The following FAM13B variants were observed in gnomAD, a reference collection of about 807,000 sequenced individuals.
FAM13B encodes the protein protein FAM13B.
A neutral mutation model predicts 117.3 loss-of-function variants in FAM13B; 60 were observed. The observed-to-expected ratio is 0.51, with a 90% confidence interval of 0.42 to 0.63. The LOEUF is 0.63. Among genes scored for constraint, FAM13B ranks in the 30% least tolerant of loss-of-function variants. The pLI is 0.00. For synonymous variants in FAM13B, 332 were observed against 356.1 expected (o/e 0.93, Z 0.76); for missense variants, 972 against 1,091.9 (o/e 0.89, Z 1.55).
Position 137,980,189 on chromosome 5 carries a change from AAG to A in FAM13B, c.1179+5066_1179+5067del, listed in dbSNP as rs1775289650. Among the ~76,000 whole-genome samples the A allele has an allele frequency of 2.6e-5, 4 of 151,024 alleles. No homozygotes were observed. The South Asian group carries it at 8.4e-4, about 32-fold the overall frequency. ...ACTCCGTCTCAAGAAAAAAAAAAAA[AAG>A]AAAGAAAACTTAAATCAGGTATTTT... On this transcript the variant is annotated intron_variant, in intron 10 of 23. Transcript: ENST00000689681.
chr5:137,953,527 T>C, intron 15 of FAM13B, 62 bp from the exon 16 acceptor site: 1 of 1,529,654 alleles, frequency 6.5e-7, no homozygotes, highest in South Asian at 1.2e-5. Context: ...TATCTCTTAT[T>C]GCCCTGACAT....
rs1378126055 is a variant in FAM13B, at chr5:138,048,631, T to C, written c.-203+3247A>G. ...CCTCTCCCCTTGGTAAGGCACCTTT[T>C]TGCAGTGGCCAAATTGTACCAGCAT... On this transcript the variant is annotated intron_variant, in intron 1 of 3. Transcript: ENST00000502471. Among the ~76,000 whole-genome samples, 4 of 152,284 alleles carry C rather than the reference T, an allele frequency of 2.6e-5. No individual in the cohort carries two copies. The East Asian group carries it at 7.7e-4, about 29-fold the overall frequency.
chr5:138,048,898 T>G (rs2013398561), intron 1 of FAM13B, among the ~76,000 whole-genome samples: 1 of 150,750 alleles, frequency 6.6e-6, no homozygotes. Context: ...GACTACAATC[T>G]AAAAATCAGA....
At chr5:137,941,818 T>C (rs1024520518) in intron 23 of FAM13B, 126 bp downstream of exon 23, 1 of 747,596 alleles carries the variant, frequency 1.3e-6, no homozygotes, top group Non-Finnish European at 2.2e-6. Flanking sequence ...AGGAATGTTT[T>C]AAAATTTTTC....
rs1782698277 is a variant in FAM13B, at chr5:138,006,910, T to C, written c.848+80A>G. ...CCAAACTTTCACATATAGTTACAGTTTGTGTTTCTGAATGCTGGAGTGAGT... is the reference window on the plus strand; with the variant it reads ...CCAAACTTTCACATATAGTTACAGTCTGTGTTTCTGAATGCTGGAGTGAGT... On this transcript the variant is annotated intron_variant, in intron 7 of 23. Transcript: ENST00000689681. 9.8e-6 allele frequency: 13 copies of C among 1,332,170 alleles called. No individual in the cohort carries two copies. In the South Asian group the frequency reaches 1.9e-4, roughly 20 times the overall value. 82.5% of individuals were successfully genotyped at this position (1,332,170 alleles called of 1,614,324 possible). A position where few individuals can be genotyped will look rare whatever the true frequency, so the allele number is the denominator to read the frequency against.
intron 1 of FAM13B, among the ~76,000 whole-genome samples, chr5:138,026,313 C>A (rs1263977892): frequency 6.6e-6 from 1 of 152,056 alleles, no homozygotes; most frequent in African/African-American, 2.4e-5. Context: ...ATAAACCATA[C>A]TTCAACAAAG....
Position 137,940,204 on chromosome 5 carries a change from T to A in FAM13B, c.*21A>T. On this transcript the variant is annotated 3_prime_UTR_variant, in exon 24 of 24. Transcript: ENST00000689681. Reference sequence around the variant, plus strand: ...AAGGAATACAACTGACTTTATGATATGAATTTTCAAGGAACGTATCTTATA... The same window carrying A: ...AAGGAATACAACTGACTTTATGATAAGAATTTTCAAGGAACGTATCTTATA... 1.1e-5 allele frequency: 17 copies of A among 1,613,932 alleles called. No individual in the cohort carries two copies. Among genetic ancestry groups the A allele is most frequent in the Non-Finnish European group, 1.4e-5 (16 of 1,179,870 alleles).
chr5:137,948,375 G>A (rs1274769211), intron 18 of FAM13B, among the ~76,000 whole-genome samples: 5 of 152,100 alleles, frequency 3.3e-5, no homozygotes, highest in African/African-American at 4.8e-5. Context: ...CAGGATTCAA[G>A]CTAAGGTCTG....
intron 1 of FAM13B, among the ~76,000 whole-genome samples, chr5:138,021,445 G>C (rs1322886706): frequency 1.3e-5 from 2 of 152,124 alleles, no homozygotes; most frequent in African/African-American, 4.8e-5. Context: ...ATATGTGACA[G>C]GACACATCTT....
At chr5:137,979,420 CCTT>C in intron 10 of FAM13B, among the ~76,000 whole-genome samples, 1 of 152,248 alleles carries the variant, frequency 6.6e-6, no homozygotes, top group Non-Finnish European at 1.5e-5. Context: ...CTACAAAAAA[CCTT>C]CTTCCTAAAA....
At chr5:138,034,881 C>T (rs909958090), upstream of FAM13B, among the ~76,000 whole-genome samples, 4 of 151,982 alleles carry the variant, frequency 2.6e-5, no homozygotes, top group South Asian at 2.1e-4. Context: ...AAACCTCCTC[C>T]GCCTGCCCCA....
chr5:138,047,070 A>G (rs1428522971), intron 1 of FAM13B, among the ~76,000 whole-genome samples: 1 of 152,044 alleles, frequency 6.6e-6, no homozygotes, highest in Admixed American at 6.6e-5. Context: ...TCAGAAAGCA[A>G]CTCAAGCTTG....
chr5:137,960,533 G>A (rs1767859437), intron 11 of FAM13B, among the ~76,000 whole-genome samples: 1 of 152,044 alleles, frequency 6.6e-6, no homozygotes, highest in South Asian at 2.1e-4. Context: ...CCAAAAGAAT[G>A]AATGTATAAT....
Position 138,011,963 on chromosome 5 carries a change from C to T in FAM13B, c.371-18G>A, listed in dbSNP as rs886215584. On this transcript the variant is annotated intron_variant, in intron 4 of 23. Coordinates refer to ENST00000689681, the MANE Select transcript of FAM13B (RefSeq NM_001385994.1). ...ATTATAATCTATAAAACAATAATAACAGGTTTTTTTCAATAAAGGAAAAAG... is the reference window on the plus strand; with the variant it reads ...ATTATAATCTATAAAACAATAATAATAGGTTTTTTTCAATAAAGGAAAAAG... 2 of 1,533,622 alleles carry T rather than the reference C, an allele frequency of 1.3e-6. No individual in the cohort carries two copies. The highest frequency in any genetic ancestry group is 4.4e-5 in the Admixed American group (2 of 45,490).
chr5:138,008,889 T>C (rs922975577), intron 6 of FAM13B, among the ~76,000 whole-genome samples: 3 of 152,228 alleles, frequency 2.0e-5, no homozygotes, highest in African/African-American at 7.2e-5. Context: ...ATGCCTTTAA[T>C]CCCAGAACTT....
At chr5:137,960,277 T>G in intron 11 of FAM13B, 63 bp from the exon 12 acceptor site, 1 of 966,092 alleles carries the variant, frequency 1.0e-6, no homozygotes, top group Non-Finnish European at 1.6e-6. Flanking sequence ...ATTATATATT[T>G]CTTACCTAGA....
chr5:137,960,958 C>T (rs1767954416), intron 11 of FAM13B, among the ~76,000 whole-genome samples: 1 of 152,182 alleles, frequency 6.6e-6, no homozygotes, highest in Non-Finnish European at 1.5e-5. Context: ...TTTACAATGA[C>T]ACATCGAGAT....
rs1760786000 is a variant in FAM13B, at chr5:137,938,540, A to G, written c.*1685T>C. On this transcript the variant is annotated 3_prime_UTR_variant, in exon 24 of 24. Coordinates refer to ENST00000689681, the MANE Select transcript of FAM13B (RefSeq NM_001385994.1). ...TTTTCAATTTCACTTTTCTAGGTAT[A>G]CATTATGAATAACCTAGTTGTATCA... 1 of 152,626 alleles carries G rather than the reference A, an allele frequency of 6.6e-6. No homozygotes were observed. Among genetic ancestry groups the G allele is most frequent in the African/African-American group, 2.4e-5 (1 of 41,452 alleles). 9.5% of individuals were successfully genotyped at this position (152,626 alleles called of 1,614,324 possible).
At chr5:137,946,394 C>A in intron 18 of FAM13B, 83 bp from the exon 19 acceptor site, 1 of 828,624 alleles carries the variant, frequency 1.2e-6, no homozygotes, top group South Asian at 1.7e-5. Flanking sequence ...TTAATATTCT[C>A]CTCACTCCCA....
Sources: gnomAD v4.1 joint callset for allele counts (sites outside exome capture counted in the v4.1 genomes callset) on GRCh38, gnomAD v4.1.1 for gene constraint, MANE v1.5 for transcripts, NCBI Gene and HGNC (gene_info 2026-07-23, HGNC 2026-07-21) for gene names.